CSNK1E: variants seen among roughly 807,000 people sequenced by gnomAD.
CSNK1E encodes the protein casein kinase I isoform epsilon.
A neutral mutation model predicts 46.1 loss-of-function variants in CSNK1E; 17 were observed. The ratio of observed to expected loss-of-function variants is 0.37; its 90% CI spans 0.25 to 0.55. The LOEUF is 0.55. CSNK1E is among the 20% of genes least tolerant of loss of function. CSNK1E has a pLI of 0.82. For missense variants in CSNK1E, 386 were observed against 595.4 expected, an observed-to-expected ratio of 0.65 and a Z score of 3.66; for synonymous variants, 241 against 242.6, an observed-to-expected ratio of 0.99 and a Z score of 0.06.
chr22:38,313,162 T>G (rs1486981580), intron 2 of CSNK1E, among the ~76,000 whole-genome samples: 3 of 152,204 alleles, frequency 2.0e-5, no homozygotes, highest in African/African-American at 7.2e-5. Context: ...TCTGAGCTGA[T>G]GGACACGACA....
chr22:38,295,430 G>A, intron 7 of CSNK1E: 1 of 981,576 alleles, frequency 1.0e-6, no homozygotes, highest in Non-Finnish European at 1.2e-6. Context: ...CAGGGGGCTG[G>A]CAGGAAGGGG....
In CSNK1E at chr22:38,303,385, C is replaced by T. The variant is rs551031019; in HGVS notation, c.77-137G>A. 1.9e-5 allele frequency: 14 copies of T among 725,790 alleles called. No homozygotes were observed. The highest frequency in any genetic ancestry group is 2.7e-5 in the East Asian group (1 of 36,678). 45.0% of individuals were successfully genotyped at this position (725,790 alleles called of 1,614,324 possible). A position where few individuals can be genotyped will look rare whatever the true frequency, so the allele number is the denominator to read the frequency against. ...GCCCTTGAGGAGCTCTTGGGGGAGG[C>T]TGGGAAGGGGGCAAAGGAGCCCCGG... is the stretch of plus-strand genomic sequence containing the variant. On this transcript the variant is annotated intron_variant, in intron 2 of 10. Transcript: ENST00000396832. The surrounding 1 kb of genome is among the most constrained non-coding windows in gnomAD (Gnocchi z 4.7).
intron 2 of CSNK1E, among the ~76,000 whole-genome samples, chr22:38,307,227 A>C (rs150145308): frequency 5.4e-4 from 83 of 152,304 alleles, no homozygotes; most frequent in Non-Finnish European, 1.1e-3. Context: ...AACTATTTAC[A>C]TAGCATTTAC....
At chr22:38,315,654 A>AT (rs1555909345) in intron 1 of CSNK1E, among the ~76,000 whole-genome samples, 26 of 144,470 alleles carry the variant, frequency 1.8e-4, no homozygotes, top group Admixed American at 6.2e-4. Context: ...TGTGCACGCA[A>AT]CCCCCCCCCA....
At chr22:38,313,296 T>C (rs1484988521) in intron 2 of CSNK1E, among the ~76,000 whole-genome samples, 3 of 152,146 alleles carry the variant, frequency 2.0e-5, no homozygotes, top group African/African-American at 4.8e-5. Context: ...GGATAACTCG[T>C]AGAAGGGCTG....
intron 9 of CSNK1E, 35 bp from the exon 10 acceptor site, chr22:38,293,354 G>A (rs370427643): frequency 3.0e-6 from 4 of 1,352,034 alleles, no homozygotes; most frequent in Non-Finnish European, 2.1e-6. Context: ...GGGGGAGGGA[G>A]AGAGAGGGAG....
chr22:38,315,654 A>C (rs1214456100), intron 1 of CSNK1E, among the ~76,000 whole-genome samples: 23 of 144,528 alleles, frequency 1.6e-4, no homozygotes, highest in South Asian at 2.2e-4. Context: ...TGTGCACGCA[A>C]CCCCCCCCCA....
chr22:38,299,854 CA>C (rs2092661644), intron 6 of CSNK1E, 40 bp downstream of exon 6: 7 of 1,599,286 alleles, frequency 4.4e-6, no homozygotes, highest in Non-Finnish European at 6.0e-6. Flanking sequence ...GACAGTGCCT[CA>C]GGGGCCCCCA....
At chr22:38,314,038 A>G (rs879838958) in intron 2 of CSNK1E, 44 bp downstream of exon 2, 3 of 1,550,376 alleles carry the variant, frequency 1.9e-6, no homozygotes, top group African/African-American at 2.7e-5. Flanking sequence ...TCTTGGTCCC[A>G]TGGGCTGGCC....
At position 38,300,647 on chromosome 22, in the gene CSNK1E, G is replaced by C. The variant is rs956520108; in HGVS notation, c.565+77C>G. 4 of 1,396,190 alleles carry C rather than the reference G, an allele frequency of 2.9e-6. No individual in the cohort carries two copies. Among genetic ancestry groups the C allele is most frequent in the South Asian group, 2.5e-5 (2 of 80,314 alleles). 86.5% of individuals were successfully genotyped at this position (1,396,190 alleles called of 1,614,324 possible). On this transcript the variant is annotated intron_variant, in intron 5 of 10. Transcript: ENST00000396832. This position sits in a 1 kb window ranked among gnomAD's most constrained non-coding sequence, Gnocchi z 4.4. ...AGCCTGGGGGCCTCCATCAGGGTAG[G>C]GGGTGAGAGGGCTCCAGAGAGCTGG...
At chr22:38,302,563 T>G (rs2092678323) in intron 4 of CSNK1E, among the ~76,000 whole-genome samples, 1 of 152,036 alleles carries the variant, frequency 6.6e-6, no homozygotes, top group African/African-American at 2.4e-5. Flanking sequence ...ATACAAAAAT[T>G]AGCCCAGCGT....
chr22:38,303,311 C>G lies in CSNK1E; in HGVS notation c.77-63G>C. On this transcript the variant is annotated intron_variant, in intron 2 of 10. Transcript: ENST00000396832. This position sits in a 1 kb window ranked among gnomAD's most constrained non-coding sequence, Gnocchi z 4.7. ...TCAAAGGCCAGGCAGTCCCAGGCGC[C>G]CCACTAAGCATTTCTGAGATCTGGC... 1 of 1,381,780 alleles carries G rather than the reference C, an allele frequency of 7.2e-7. No homozygotes were observed. The highest frequency in any genetic ancestry group is 9.9e-7 in the Non-Finnish European group (1 of 1,011,988). The allele number at this position is 1,381,780 out of a possible 1,614,324, so 85.6% of individuals were successfully genotyped here.
At chr22:38,296,444 G>A (rs2092641135) in intron 7 of CSNK1E, 1 of 1,483,214 alleles carries the variant, frequency 6.7e-7, no homozygotes, top group African/African-American at 1.4e-5. Context: ...TCTACTGTTG[G>A]GTAGCATGGG....
rs1027594395 is a variant in CSNK1E, at chr22:38,298,702, C to G, written c.885+84G>C. 2.6e-6 allele frequency: 4 copies of G among 1,537,966 alleles called. No individual in the cohort carries two copies. In the South Asian group the frequency reaches 3.4e-5, roughly 13 times the overall value. ...ACCTCCCGTCTGTCGGGAGCCCCTC[C>G]CGCCACCAGCTCACTCTGGCCCTCT... On this transcript the variant is annotated intron_variant, in intron 7 of 10. Transcript: ENST00000396832. The surrounding 1 kb of genome is among the most constrained non-coding windows in gnomAD (Gnocchi z 4.2).
chr22:38,315,667 A>G (rs1185482631), intron 1 of CSNK1E, among the ~76,000 whole-genome samples: 1 of 135,000 alleles, frequency 7.4e-6, no homozygotes, highest in Non-Finnish European at 1.6e-5. Context: ...CCCCCCCAAC[A>G]CCTCAGTCCA....
rs968700808 is a variant in CSNK1E at position 38,303,408 on chromosome 22, C to T, written c.77-160G>A. ...GGCTGGGAAGGGGGCAAAGGAGCCC[C>T]GGCAAAGGGTTCCTGAGGGGAAAGA... On this transcript the variant is annotated intron_variant, in intron 2 of 10. Coordinates refer to ENST00000396832, the MANE Select transcript of CSNK1E (RefSeq NM_152221.3). The surrounding 1 kb of genome is among the most constrained non-coding windows in gnomAD (Gnocchi z 4.7). Among the ~76,000 whole-genome samples, 4 of 152,170 alleles carry T rather than the reference C, an allele frequency of 2.6e-5. No homozygotes were observed. The highest frequency in any genetic ancestry group is 4.8e-5 in the African/African-American group (2 of 41,442).
intron 4 of CSNK1E, among the ~76,000 whole-genome samples, chr22:38,301,837 C>T (rs778133828): frequency 2.0e-5 from 3 of 152,148 alleles, no homozygotes; most frequent in Non-Finnish European, 4.4e-5. Flanking sequence ...TTGAGTTTCA[C>T]ACCATGAGGG....
At chr22:38,297,105 T>C (rs767501170) in intron 7 of CSNK1E, 1 of 777,588 alleles carries the variant, frequency 1.3e-6, no homozygotes, top group African/African-American at 1.7e-5. Context: ...TTTTAATTCA[T>C]TAAAAATGTG....
intron 7 of CSNK1E, chr22:38,296,989 G>A: frequency 1.5e-6 from 1 of 648,238 alleles, no homozygotes; most frequent in Non-Finnish European, 2.8e-6. Flanking sequence ...GGCCAGGCTG[G>A]TCTTAAACTC....
Sources: gnomAD v4.1 joint callset for allele counts (sites outside exome capture counted in the v4.1 genomes callset) on GRCh38, gnomAD v4.1.1 for gene constraint, Gnocchi (gnomAD v3.1) non-coding constraint, MANE v1.5 for transcripts, NCBI Gene and HGNC (gene_info 2026-07-23, HGNC 2026-07-21) for gene names.